Variants in ACTR3C observed in about 807,000 individuals in gnomAD.
The protein encoded by ACTR3C is actin related protein 3C, also known as actin-related protein 3C.
ACTR3C carries 18 observed loss-of-function variants against 26.3 expected under a neutral mutation model. That is an observed-to-expected ratio of 0.68 (90% CI 0.47 to 1.01). The LOEUF (loss-of-function observed/expected upper bound fraction) is 1.01. ACTR3C is among the 50% of genes least tolerant of loss of function. The probability of loss-of-function intolerance (pLI) is 0.00; values close to 1 mark genes in which losing one functional copy is unlikely to be tolerated. For synonymous variants in ACTR3C, 55 were observed against 94.5 expected (o/e 0.58, Z 2.42); for missense variants, 184 against 250.7 (o/e 0.73, Z 1.80).
the ACTR3C span, among the ~76,000 whole-genome samples, chr7:150,088,683 T>C: frequency 2.0e-5 from 3 of 152,352 alleles, no homozygotes; most frequent in African/African-American, 7.2e-5. Flanking sequence ...GACATTGTTA[T>C]TGTTCTATCA....
chr7:150,195,082 A>C, the ACTR3C span, among the ~76,000 whole-genome samples: 3 of 147,036 alleles, frequency 2.0e-5, no homozygotes, highest in Non-Finnish European at 4.5e-5. Flanking sequence ...CAACAGAGTG[A>C]GACTCTGTTT....
chr7:150,250,120 G>T (rs1018954532), intron 6 of ACTR3C, among the ~76,000 whole-genome samples: 1 of 151,844 alleles, frequency 6.6e-6, no homozygotes, highest in Non-Finnish European at 1.5e-5. Context: ...TTACATTGAG[G>T]CCACTGTAAA....
the ACTR3C span, among the ~76,000 whole-genome samples, chr7:150,101,787 ACTCT>A: frequency 1.3e-5 from 2 of 151,666 alleles, no homozygotes; most frequent in East Asian, 1.9e-4. Flanking sequence ...GGCATAATTG[ACTCT>A]CTATCAATGG....
At chr7:149,929,616 C>G in the ACTR3C span, among the ~76,000 whole-genome samples, 2 of 150,528 alleles carry the variant, frequency 1.3e-5, no homozygotes, top group Non-Finnish European at 3.0e-5. Context: ...ACTGCAACCT[C>G]CGCCTCTCGG....
the ACTR3C span, among the ~76,000 whole-genome samples, chr7:150,200,282 T>A: frequency 6.6e-6 from 1 of 152,206 alleles, no homozygotes; most frequent in Non-Finnish European, 1.5e-5. Context: ...AGGTCTGAAT[T>A]TGTTGTTGTT....
chr7:150,037,064 C>T, the ACTR3C span, among the ~76,000 whole-genome samples: 225 of 68,878 alleles, frequency 3.3e-3, 2 homozygotes, highest in African/African-American at 7.5e-3. Context: ...CCCACCCTCG[C>T]GGGGGGTGCC....
chr7:149,958,866 T>C, the ACTR3C span, among the ~76,000 whole-genome samples: 1 of 152,220 alleles, frequency 6.6e-6, no homozygotes, highest in African/African-American at 2.4e-5. Context: ...GTCTATGTTT[T>C]TCTGGAGAAA....
chr7:150,045,511 A>G, the ACTR3C span, among the ~76,000 whole-genome samples: 3 of 152,192 alleles, frequency 2.0e-5, no homozygotes, highest in Non-Finnish European at 4.4e-5. Context: ...TATCGGGAGT[A>G]TACTATATAA....
the ACTR3C span, among the ~76,000 whole-genome samples, chr7:150,231,396 A>G: frequency 6.6e-6 from 1 of 151,798 alleles, no homozygotes; most frequent in African/African-American, 2.4e-5. Context: ...ATTGGTTCCC[A>G]CAAAAGCTGG....
chr7:150,090,689 T>G, the ACTR3C span, among the ~76,000 whole-genome samples: 1 of 146,216 alleles, frequency 6.8e-6, no homozygotes, highest in African/African-American at 2.5e-5. Flanking sequence ...TAATTACCTA[T>G]GTGACTTTAG....
At chr7:150,227,248 T>TA in the ACTR3C span, among the ~76,000 whole-genome samples, 1 of 151,776 alleles carries the variant, frequency 6.6e-6, no homozygotes, top group African/African-American at 2.4e-5. Context: ...TTCTCCAGTC[T>TA]AAGGGAGACT....
At chr7:150,107,690 C>T in the ACTR3C span, among the ~76,000 whole-genome samples, 2 of 151,360 alleles carry the variant, frequency 1.3e-5, no homozygotes, top group South Asian at 2.1e-4. Context: ...CCAAGTATAC[C>T]GGGGAAGGAG....
the ACTR3C span, among the ~76,000 whole-genome samples, chr7:150,179,483 A>G: frequency 6.7e-6 from 1 of 148,894 alleles, no homozygotes; most frequent in African/African-American, 2.6e-5. Flanking sequence ...AACCACAGTA[A>G]ACCAGCTTTT....
the ACTR3C span, among the ~76,000 whole-genome samples, chr7:150,036,271 T>G: frequency 6.8e-6 from 1 of 147,284 alleles, no homozygotes; most frequent in Non-Finnish European, 1.5e-5. Context: ...ATCAGCTTAT[T>G]TGCTTCTTGT....
the ACTR3C span, among the ~76,000 whole-genome samples, chr7:150,041,920 A>G: frequency 6.7e-6 from 1 of 149,180 alleles, no homozygotes; most frequent in Non-Finnish European, 1.5e-5. Context: ...CAGGGGGGGA[A>G]GAGGGTCTGG....
At chr7:150,064,130 T>C in the ACTR3C span, among the ~76,000 whole-genome samples, 1 of 152,022 alleles carries the variant, frequency 6.6e-6, no homozygotes, top group East Asian at 1.9e-4. Flanking sequence ...CTTCTGTATC[T>C]CAGTTGCCCA....
intron 6 of ACTR3C, among the ~76,000 whole-genome samples, chr7:150,267,134 G>A (rs1267101881): frequency 1.3e-5 from 2 of 152,154 alleles, no homozygotes; most frequent in African/African-American, 4.8e-5. Context: ...CGCTCGCTGA[G>A]GCGCTCCCAG....
chr7:150,148,526 T>C, the ACTR3C span, among the ~76,000 whole-genome samples: 1,399 of 124,146 alleles, frequency 0.011, no homozygotes, highest in African/African-American at 0.029. Flanking sequence ...CTACTTGCTT[T>C]TTCTTCCCTC....
At chr7:150,196,902 G>A in the ACTR3C span, among the ~76,000 whole-genome samples, 1 of 152,202 alleles carries the variant, frequency 6.6e-6, no homozygotes, top group African/African-American at 2.4e-5. Flanking sequence ...TCTTGGGAGT[G>A]TGGCTTTGAG....
Sources: allele counts gnomAD v4.1 joint callset (sites outside exome capture counted in the v4.1 genomes callset), GRCh38; gene constraint gnomAD v4.1.1; transcripts MANE v1.5; gene names NCBI Gene and HGNC (gene_info 2026-07-23, HGNC 2026-07-21).